Variants in GRIK4 observed in about 807,000 individuals in gnomAD.
The protein encoded by GRIK4 is glutamate ionotropic receptor kainate type subunit 4, also known as glutamate receptor ionotropic, kainate 4.
Under a neutral mutation model 104.9 loss-of-function variants are expected in GRIK4, and 40 were observed. That is an observed-to-expected ratio of 0.38 (90% CI 0.30 to 0.50). The LOEUF (loss-of-function observed/expected upper bound fraction) is 0.50. Among genes scored for constraint, GRIK4 ranks in the 20% least tolerant of loss-of-function variants. GRIK4 has a pLI of 0.93. For synonymous variants in GRIK4, 485 were observed against 524.9 expected, an observed-to-expected ratio of 0.92 and a Z score of 1.04; for missense variants, 1,047 against 1,308.1, an observed-to-expected ratio of 0.80 and a Z score of 3.08.
rs1949786673 is a variant in GRIK4, at chr11:120,660,164, G to A, written c.-50-105G>A. 6.5e-6 allele frequency: 4 copies of A among 615,290 alleles called. No homozygotes were observed. The East Asian group carries it at 1.1e-4, about 17-fold the overall frequency. 38.1% of individuals were successfully genotyped at this position (615,290 alleles called of 1,614,324 possible). A position where few individuals can be genotyped will look rare whatever the true frequency, so the allele number is the denominator to read the frequency against. On this transcript the variant is annotated intron_variant, in intron 2 of 20. Coordinates refer to ENST00000527524, the MANE Select transcript of GRIK4 (RefSeq NM_014619.5). ...CTTCTTTGAGCCCGGCATGTAAGGA[G>A]GAAAGACAAAGGGGCCTCTCCGGCT...
Position 120,967,152 on chromosome 11 carries a change from G to T in GRIK4, c.2267-43G>T. ...GGGGAGCAGAGTGACACCTAACAGGGCATTCACAACCTGTGTCCTGGGCTC... is the reference window on the plus strand; with the variant it reads ...GGGGAGCAGAGTGACACCTAACAGGTCATTCACAACCTGTGTCCTGGGCTC... On this transcript the variant is annotated intron_variant, in intron 18 of 20. Transcript: ENST00000527524. This position sits in a 1 kb window ranked among gnomAD's most constrained non-coding sequence, Gnocchi z 4.2. The T allele has an allele frequency of 6.3e-7, 1 of 1,584,424 alleles. No individual in the cohort carries two copies. Among genetic ancestry groups the T allele is most frequent in the Non-Finnish European group, 8.6e-7 (1 of 1,164,596 alleles).
intron 6 of GRIK4, among the ~76,000 whole-genome samples, chr11:120,821,729 C>T (rs918963294): frequency 6.6e-6 from 1 of 152,220 alleles, no homozygotes; most frequent in African/African-American, 2.4e-5. Flanking sequence ...GTGGCACCAG[C>T]AAGTTGGGTG....
At chr11:120,659,788 G>T (rs1296197823) in intron 2 of GRIK4, among the ~76,000 whole-genome samples, 1 of 152,230 alleles carries the variant, frequency 6.6e-6, no homozygotes, top group African/African-American at 2.4e-5. Context: ...GGAGTGCAAT[G>T]GCGAATAGCG....
At chr11:120,809,688 C>T (rs1009679835) in intron 4 of GRIK4, among the ~76,000 whole-genome samples, 10 of 152,328 alleles carry the variant, frequency 6.6e-5, no homozygotes, top group Non-Finnish European at 8.8e-5. Flanking sequence ...CATTGACACA[C>T]GTGTATGAGA....
intron 2 of GRIK4, among the ~76,000 whole-genome samples, chr11:120,656,598 C>T (rs998141233): frequency 2.6e-5 from 4 of 152,164 alleles, no homozygotes; most frequent in Admixed American, 2.6e-4. Flanking sequence ...CAGTGGCTCA[C>T]GCCTGTAATC....
chr11:120,662,195 A>C (rs1949828560), intron 3 of GRIK4, among the ~76,000 whole-genome samples: 2 of 152,312 alleles, frequency 1.3e-5, no homozygotes, highest in South Asian at 4.1e-4. Flanking sequence ...AGAGGGCTTC[A>C]AAGGCACCCC....
Position 120,940,317 on chromosome 11 carries a change from C to A in GRIK4, c.1477-30C>A. 1 of 1,400,264 alleles carries A rather than the reference C, an allele frequency of 7.1e-7. No homozygotes were observed. The highest frequency in any genetic ancestry group is 1.0e-6 in the Non-Finnish European group (1 of 989,392). 86.7% of individuals were successfully genotyped at this position (1,400,264 alleles called of 1,614,324 possible). On this transcript the variant is annotated intron_variant, in intron 13 of 20. Coordinates refer to ENST00000527524, the MANE Select transcript of GRIK4 (RefSeq NM_014619.5). The surrounding 1 kb of genome is among the most constrained non-coding windows in gnomAD (Gnocchi z 4.3). ...CTGTGCCTCTTCTCCTATGGCCACC[C>A]CACTGACGGGCTGTCTCTGTTCTTT...
rs201278298 is a variant in GRIK4 at position 120,875,133 on chromosome 11, G to A, written c.1060-6G>A. On this transcript the variant is annotated splice_polypyrimidine_tract_variant and splice_region_variant and intron_variant, in intron 10 of 20. Transcript: ENST00000527524. ...TTGGTGCTGTAACTCACTCTCTCTTGGACAGGTAGAATTGGAAGGTCTTAC... is the reference window on the plus strand; with the variant it reads ...TTGGTGCTGTAACTCACTCTCTCTTAGACAGGTAGAATTGGAAGGTCTTAC... 138 of 1,577,952 alleles carry A rather than the reference G, an allele frequency of 8.7e-5. 1 individual carries two copies. The Middle Eastern group carries it at 1.3e-3, about 15-fold the overall frequency.
At chr11:120,912,355 G>T (rs1000297534) in intron 13 of GRIK4, among the ~76,000 whole-genome samples, 4 of 152,192 alleles carry the variant, frequency 2.6e-5, no homozygotes, top group African/African-American at 9.7e-5. Context: ...GGCGTAGACT[G>T]TAGGGTGAAT....
intron 1 of GRIK4, among the ~76,000 whole-genome samples, chr11:120,586,215 TG>T (rs1256828743): frequency 1.3e-5 from 2 of 151,608 alleles, no homozygotes; most frequent in East Asian, 3.9e-4. Context: ...GTCATGTGAG[TG>T]GGTCTTGAAG....
intron 13 of GRIK4, among the ~76,000 whole-genome samples, chr11:120,912,939 C>T (rs949777994): frequency 1.3e-5 from 2 of 152,164 alleles, no homozygotes; most frequent in Non-Finnish European, 2.9e-5. Context: ...AGTACTTCTT[C>T]CCACAGCTGG....
chr11:120,962,421 T>A, intron 17 of GRIK4, 35 bp from the exon 18 acceptor site: 1 of 1,488,238 alleles, frequency 6.7e-7, no homozygotes. Flanking sequence ...TCCTTCCTCT[T>A]TTCCCAATCC....
chr11:120,623,481 C>T (rs574765085), intron 1 of GRIK4, among the ~76,000 whole-genome samples: 28 of 152,288 alleles, frequency 1.8e-4, no homozygotes, highest in African/African-American at 6.5e-4. Flanking sequence ...CAAGCCCATG[C>T]TCTCTGACAC....
intron 13 of GRIK4, among the ~76,000 whole-genome samples, chr11:120,931,152 G>T (rs896464549): frequency 1.1e-4 from 17 of 152,198 alleles, no homozygotes; most frequent in African/African-American, 3.6e-4. Context: ...TTAGTAACTG[G>T]CAGGGCGAGG....
intron 11 of GRIK4, among the ~76,000 whole-genome samples, chr11:120,876,972 C>A (rs930981305): frequency 6.6e-6 from 1 of 152,156 alleles, no homozygotes; most frequent in Admixed American, 6.5e-5. Flanking sequence ...TCCGATCAGC[C>A]CTCCTTAGAG....
At chr11:120,620,887 A>G (rs965699440) in intron 1 of GRIK4, among the ~76,000 whole-genome samples, 1 of 152,076 alleles carries the variant, frequency 6.6e-6, no homozygotes, top group African/African-American at 2.4e-5. Context: ...CCTTACAACC[A>G]TCCAGTGAAG....
At chr11:120,680,423 T>C (rs962573996) in intron 3 of GRIK4, among the ~76,000 whole-genome samples, 1 of 152,154 alleles carries the variant, frequency 6.6e-6, no homozygotes, top group South Asian at 2.1e-4. Context: ...GATCTTGCCC[T>C]CTCTGGGGCT....
intron 3 of GRIK4, among the ~76,000 whole-genome samples, chr11:120,756,892 C>T (rs1951663941): frequency 6.6e-6 from 1 of 152,202 alleles, no homozygotes; most frequent in Non-Finnish European, 1.5e-5. Context: ...GTGCTGTGCA[C>T]CTGCAGCCAG....
chr11:120,864,700 T>C (rs1954359471), intron 9 of GRIK4, among the ~76,000 whole-genome samples: 1 of 152,190 alleles, frequency 6.6e-6, no homozygotes, highest in South Asian at 2.1e-4. Flanking sequence ...TCTCTAAGGG[T>C]ATCTTCCTTT....
Sources: gnomAD v4.1 joint callset for allele counts (sites outside exome capture counted in the v4.1 genomes callset) on GRCh38, gnomAD v4.1.1 for gene constraint, Gnocchi (gnomAD v3.1) non-coding constraint, MANE v1.5 for transcripts, NCBI Gene and HGNC (gene_info 2026-07-23, HGNC 2026-07-21) for gene names.